Variants in RBFOX1 observed in about 807,000 individuals in gnomAD.
RBFOX1 encodes RNA binding protein fox-1 homolog 1.
In RBFOX1, 8 loss-of-function variants were observed where a neutral mutation model predicts 57.7. The ratio of observed to expected loss-of-function variants is 0.14; its 90% CI spans 0.08 to 0.25. The LOEUF (loss-of-function observed/expected upper bound fraction) is 0.25. Among genes scored for constraint, RBFOX1 ranks in the 10% least tolerant of loss-of-function variants. RBFOX1 has a pLI of 1.00. For synonymous variants in RBFOX1, 326 were observed against 222.4 expected (o/e 1.47, Z -4.15); for missense variants, 611 against 548.5 (o/e 1.11, Z -1.14).
chr16:7,299,800 A>G (rs1388557063), intron 4 of RBFOX1, among the ~76,000 whole-genome samples: 2 of 152,234 alleles, frequency 1.3e-5, no homozygotes, highest in Non-Finnish European at 2.9e-5. Flanking sequence ...ACCCAAGAGA[A>G]CTACAGAATT....
intron 1 of RBFOX1, among the ~76,000 whole-genome samples, chr16:6,312,684 CCTTCCT>C (rs1450672232): frequency 1.0e-4 from 15 of 149,244 alleles, no homozygotes; most frequent in African/African-American, 3.5e-4. Flanking sequence ...TTCCTTCCTT[CCTTCCT>C]TCCTTCCTTC....
chr16:7,699,126 A>G (rs2079787563), intron 14 of RBFOX1, among the ~76,000 whole-genome samples: 1 of 152,176 alleles, frequency 6.6e-6, no homozygotes, highest in Admixed American at 6.5e-5. Flanking sequence ...CATTCTAACA[A>G]GTTGCCCCAG....
chr16:5,870,938 T>C (rs369315541), intron 4 of RBFOX1, among the ~76,000 whole-genome samples: 124 of 151,862 alleles, frequency 8.2e-4, no homozygotes, highest in African/African-American at 2.9e-3. Flanking sequence ...GGAGGAGATA[T>C]TGGTTAAAAG....
chr16:7,182,925 T>C (rs1176432250), intron 4 of RBFOX1, among the ~76,000 whole-genome samples: 1 of 152,230 alleles, frequency 6.6e-6, no homozygotes, highest in Admixed American at 6.5e-5. Flanking sequence ...TCATAAATTA[T>C]CTTATTTTCT....
chr16:7,679,459 A>G (rs2074198879), intron 14 of RBFOX1, among the ~76,000 whole-genome samples: 1 of 152,210 alleles, frequency 6.6e-6, no homozygotes, highest in South Asian at 2.1e-4. Context: ...TAAAATCAGC[A>G]GGCATTGAGA....
chr16:6,670,159 C>G lies in RBFOX1; in HGVS notation c.-16+15509C>G, dbSNP rs76756702. On this transcript the variant is annotated intron_variant, in intron 3 of 15. Transcript: ENST00000550418. ...GTACCAAGTGGGCATGTTGTACTTACTCAGTGTGATCCTCCTACATCAGCT... is the reference window on the plus strand; with the variant it reads ...GTACCAAGTGGGCATGTTGTACTTAGTCAGTGTGATCCTCCTACATCAGCT... 8.6e-3 allele frequency among the ~76,000 whole-genome samples: 1,309 copies of G among 152,144 alleles called. 6 individuals are homozygous for G. The highest frequency in any genetic ancestry group is 0.013 in the Non-Finnish European group (865 of 68,004).
At chr16:6,732,304 G>A (rs1015078137) in intron 3 of RBFOX1, among the ~76,000 whole-genome samples, 6 of 152,154 alleles carry the variant, frequency 3.9e-5, no homozygotes, top group Non-Finnish European at 5.9e-5. Flanking sequence ...AGAATTCACC[G>A]TCTCGGCCCC....
intron 3 of RBFOX1, among the ~76,000 whole-genome samples, chr16:5,791,906 C>T (rs890507457): frequency 6.6e-6 from 1 of 152,144 alleles, no homozygotes; most frequent in Non-Finnish European, 1.5e-5. Context: ...TGGGAAGAAC[C>T]AGCAAGATGA....
Position 6,177,528 on chromosome 16 carries a change from G to C in RBFOX1, c.-126-139467G>C, listed in dbSNP as rs1034082676. Among the ~76,000 whole-genome samples the C allele has an allele frequency of 5.3e-5, 8 of 152,212 alleles. No individual in the cohort carries two copies. The East Asian group carries it at 1.5e-3, about 29-fold the overall frequency. Reference sequence around the variant, plus strand: ...CAAATATATATTGTATTCAGGTTCAGTGACTGCCTTTATAGAATCATGTCA... The same window carrying C: ...CAAATATATATTGTATTCAGGTTCACTGACTGCCTTTATAGAATCATGTCA... On this transcript the variant is annotated intron_variant, in intron 1 of 15. Transcript: ENST00000550418.
At chr16:7,595,186 T>A (rs1000985162) in intron 7 of RBFOX1, among the ~76,000 whole-genome samples, 5 of 152,138 alleles carry the variant, frequency 3.3e-5, no homozygotes, top group Non-Finnish European at 4.4e-5. Context: ...AAAAAAGTGG[T>A]TCCCTTTTCT....
intron 3 of RBFOX1, among the ~76,000 whole-genome samples, chr16:5,761,698 T>G (rs1162898741): frequency 6.6e-6 from 1 of 152,120 alleles, no homozygotes; most frequent in African/African-American, 2.4e-5. Flanking sequence ...CACATAGGAA[T>G]TATGGGAGCT....
At chr16:6,156,787 G>T (rs2096841493) in intron 1 of RBFOX1, among the ~76,000 whole-genome samples, 1 of 152,096 alleles carries the variant, frequency 6.6e-6, no homozygotes, top group Admixed American at 6.5e-5. Context: ...CTCGTAACTG[G>T]GCATTCTTGC....
chr16:7,184,853 T>C (rs1325134819), intron 4 of RBFOX1, among the ~76,000 whole-genome samples: 1 of 152,168 alleles, frequency 6.6e-6, no homozygotes, highest in Non-Finnish European at 1.5e-5. Flanking sequence ...GTTTGTGTGT[T>C]GAAGTGTTAC....
chr16:7,322,829 C>G (rs941128764), intron 4 of RBFOX1, among the ~76,000 whole-genome samples: 2 of 152,166 alleles, frequency 1.3e-5, no homozygotes, highest in African/African-American at 2.4e-5. Flanking sequence ...ATCTGTCCTC[C>G]TCCTGCGTTC....
At chr16:6,671,973 G>A (rs1291447505) in intron 3 of RBFOX1, among the ~76,000 whole-genome samples, 3 of 152,222 alleles carry the variant, frequency 2.0e-5, no homozygotes, top group South Asian at 2.1e-4. Flanking sequence ...TAACAATATC[G>A]AACAGCTGAT....
intron 4 of RBFOX1, among the ~76,000 whole-genome samples, chr16:7,473,302 C>G (rs980958876): frequency 2.0e-5 from 3 of 151,642 alleles, no homozygotes; most frequent in Non-Finnish European, 1.5e-5. Context: ...TGCTTGAACT[C>G]AGGAGGCGGA....
rs910471382 is a variant in RBFOX1 at position 6,483,925 on chromosome 16, C to T, written c.-64+166868C>T. The stretch of plus-strand genomic sequence containing the variant: ...CGTGAATGGGACGCGGTATGTAAGC[C>T]GAGCTCCAGCTCCGGGGACCTCGGA... On this transcript the variant is annotated intron_variant, in intron 2 of 15. Coordinates refer to ENST00000550418, the MANE Select transcript of RBFOX1 (RefSeq NM_018723.4). 3.3e-5 allele frequency: 36 copies of T among 1,075,730 alleles called. No individual in the cohort carries two copies. In the African/African-American group the frequency reaches 4.5e-4, roughly 13 times the overall value. 66.6% of individuals were successfully genotyped at this position (1,075,730 alleles called of 1,614,324 possible).
chr16:7,256,929 C>T (rs1260016920), intron 4 of RBFOX1, among the ~76,000 whole-genome samples: 3 of 152,106 alleles, frequency 2.0e-5, no homozygotes, highest in Non-Finnish European at 2.9e-5. Context: ...TCCCTGACCA[C>T]ATGGGAAACA....
chr16:7,006,808 C>T (rs1433715603), intron 3 of RBFOX1, among the ~76,000 whole-genome samples: 2 of 152,158 alleles, frequency 1.3e-5, no homozygotes, highest in African/African-American at 2.4e-5. Flanking sequence ...AAAGTTAAGT[C>T]ACCTGCCCAA....
Sources: gnomAD v4.1 joint callset for allele counts (sites outside exome capture counted in the v4.1 genomes callset) on GRCh38, gnomAD v4.1.1 for gene constraint, MANE v1.5 for transcripts, NCBI Gene and HGNC (gene_info 2026-07-23, HGNC 2026-07-21) for gene names.